The following CAPN1 variants were observed in gnomAD, a reference collection of about 807,000 sequenced individuals.
CAPN1 encodes calpain-1 catalytic subunit.
A neutral mutation model predicts 105.2 loss-of-function variants in CAPN1; 77 were observed. The ratio of observed to expected loss-of-function variants is 0.73; its 90% CI spans 0.61 to 0.88. CAPN1 has a LOEUF of 0.88. Among genes scored for constraint, CAPN1 ranks in the 40% least tolerant of loss-of-function variants. The probability of loss-of-function intolerance (pLI) is 0.00; values close to 1 mark genes in which losing one functional copy is unlikely to be tolerated. For missense variants in CAPN1, 833 were observed against 976.6 expected, an observed-to-expected ratio of 0.85 and a Z score of 1.96; for synonymous variants, 355 against 388.8, an observed-to-expected ratio of 0.91 and a Z score of 1.02.
intron 12 of CAPN1, 65 bp from the exon 13 acceptor site, chr11:65,206,398 G>T (rs1311599380): frequency 3.1e-6 from 4 of 1,293,200 alleles, no homozygotes; most frequent in Non-Finnish European, 4.5e-6. Context: ...TCTGGGTCTG[G>T]GGGTGGCCCC....
At chr11:65,204,078 C>T (rs1191008796) in intron 10 of CAPN1, among the ~76,000 whole-genome samples, 1 of 152,126 alleles carries the variant, frequency 6.6e-6, no homozygotes, top group Non-Finnish European at 1.5e-5. Flanking sequence ...CCTGTCGGAC[C>T]CCTGCTTTTT....
rs1948998914 is a variant in CAPN1, at chr11:65,208,593, T to C, written c.1729+331T>C. On this transcript the variant is annotated intron_variant, in intron 16 of 21. Coordinates refer to ENST00000279247, the MANE Select transcript of CAPN1 (RefSeq NM_005186.4). This position sits in a 1 kb window ranked among gnomAD's most constrained non-coding sequence, Gnocchi z 4.1. ...AGGAGTTCAACACCAGCCTGGACAA[T>C]ATGGAGAGACCCTGTCTCTGCAAAA... The C allele has an allele frequency of 2.4e-6, 1 of 419,512 alleles. No individual in the cohort carries two copies. Among genetic ancestry groups the C allele is most frequent in the South Asian group, 2.3e-5 (1 of 44,062 alleles). The allele number at this position is 419,512 out of a possible 1,614,324, so 26.0% of individuals were successfully genotyped here.
rs1948998795 is a variant in CAPN1, at chr11:65,208,588, G to A, written c.1729+326G>A. The A allele has an allele frequency of 4.6e-6, 2 of 437,066 alleles. No homozygotes were observed. The highest frequency in any genetic ancestry group is 4.4e-5 in the South Asian group (2 of 45,740). 27.1% of individuals were successfully genotyped at this position (437,066 alleles called of 1,614,324 possible). A position where few individuals can be genotyped will look rare whatever the true frequency, so the allele number is the denominator to read the frequency against. On this transcript the variant is annotated intron_variant, in intron 16 of 21. Coordinates refer to ENST00000279247, the MANE Select transcript of CAPN1 (RefSeq NM_005186.4). The surrounding 1 kb of genome is among the most constrained non-coding windows in gnomAD (Gnocchi z 4.1). The stretch of plus-strand genomic sequence containing the variant: ...AGCCCAGGAGTTCAACACCAGCCTG[G>A]ACAATATGGAGAGACCCTGTCTCTG...
At chr11:65,181,626 C>T (rs754061508), upstream of CAPN1, 3 of 392,764 alleles carry the variant, frequency 7.6e-6, no homozygotes, top group Admixed American at 2.9e-5. This position sits in a 1 kb window ranked among gnomAD's most constrained non-coding sequence, Gnocchi z 4.6. Flanking sequence ...CCCTGCCCGG[C>T]CCTCCCCCTC....
chr11:65,206,847 G>A (rs551196287), intron 14 of CAPN1, 28 bp downstream of exon 14: 55 of 1,600,824 alleles, frequency 3.4e-5, no homozygotes, highest in Middle Eastern at 3.3e-4. Context: ...ACCAGGCCCC[G>A]TCCTCCTCTC....
chr11:65,210,208 C>A lies in CAPN1; in HGVS notation c.1942+112C>A. 8.6e-7 allele frequency: 1 copy of A among 1,159,640 alleles called. No individual in the cohort carries two copies. The highest frequency in any genetic ancestry group is 1.3e-6 in the Non-Finnish European group (1 of 778,340). The allele number at this position is 1,159,640 out of a possible 1,614,324, so 71.8% of individuals were successfully genotyped here. On this transcript the variant is annotated intron_variant, in intron 19 of 21. Transcript: ENST00000279247. The surrounding 1 kb of genome is among the most constrained non-coding windows in gnomAD (Gnocchi z 4.3). ...CTAGTGGTGACATGGTAACAGCCAT[C>A]TTGTCCTTTTCCCCACGGTTACTAG...
intron 10 of CAPN1, 56 bp from the exon 11 acceptor site, chr11:65,204,627 G>A (rs1565415557): frequency 6.6e-7 from 1 of 1,518,770 alleles, no homozygotes; most frequent in Non-Finnish European, 9.1e-7. Context: ...AGGCTTGGGG[G>A]CCAATTGGCT....
At chr11:65,190,829 C>G (rs1948710354) in intron 10 of CAPN1, among the ~76,000 whole-genome samples, 1 of 152,054 alleles carries the variant, frequency 6.6e-6, no homozygotes, top group South Asian at 2.1e-4. Context: ...GCTTCTGCCT[C>G]AACCTCCTGA....
Position 65,188,129 on chromosome 11 carries a change from G to A in CAPN1, c.929+89G>A, listed in dbSNP as rs1948664078. The A allele has an allele frequency of 1.0e-6, 1 of 973,862 alleles. No homozygotes were observed. The highest frequency in any genetic ancestry group is 1.5e-6 in the Non-Finnish European group (1 of 653,840). The allele number at this position is 973,862 out of a possible 1,614,324, so 60.3% of individuals were successfully genotyped here. On this transcript the variant is annotated intron_variant, in intron 8 of 21. Transcript: ENST00000279247. The surrounding 1 kb of genome is among the most constrained non-coding windows in gnomAD (Gnocchi z 5.5). ...GCTCGGGACTCTACCAGGCCAGGCT[G>A]GACTCAGGATTGAGCAGAGGGGCCC...
chr11:65,211,123 T>A (rs1949042022), intron 21 of CAPN1, 137 bp from the exon 22 acceptor site: 4 of 986,030 alleles, frequency 4.1e-6, no homozygotes, highest in Non-Finnish European at 4.7e-6. Context: ...GTGGAGGAGG[T>A]AAGAAAGTAA....
chr11:65,183,106 C>G, intron 2 of CAPN1, 22 bp from the exon 3 acceptor site: 1 of 1,613,584 alleles, frequency 6.2e-7, no homozygotes. Context: ...GGCCGAGGAA[C>G]AGGACTCTGG....
chr11:65,211,198 G>T, intron 21 of CAPN1, 62 bp from the exon 22 acceptor site: 2 of 1,595,106 alleles, frequency 1.3e-6, no homozygotes, highest in East Asian at 2.2e-5. Context: ...CTGGGGTTTG[G>T]GTGGGGAAGA....
At position 65,210,498 on chromosome 11, in the gene CAPN1, G is replaced by C; in HGVS notation, c.2059+46G>C. On this transcript the variant is annotated intron_variant, in intron 20 of 21. Coordinates refer to ENST00000279247, the MANE Select transcript of CAPN1 (RefSeq NM_005186.4). The surrounding 1 kb of genome is among the most constrained non-coding windows in gnomAD (Gnocchi z 4.3). Reference sequence around the variant, plus strand: ...CCCACCCTCCAGCTCCGTCCCAAACGCGTCCCCCAGGAGCTGGGGGGAATG... The same window carrying C: ...CCCACCCTCCAGCTCCGTCCCAAACCCGTCCCCCAGGAGCTGGGGGGAATG... The C allele has an allele frequency of 8.7e-7, 1 of 1,153,472 alleles. No homozygotes were observed. The highest frequency in any genetic ancestry group is 1.3e-6 in the Non-Finnish European group (1 of 773,822). 71.5% of individuals were successfully genotyped at this position (1,153,472 alleles called of 1,614,324 possible).
chr11:65,189,425 G>A (rs751231527), intron 10 of CAPN1, among the ~76,000 whole-genome samples: 20 of 152,188 alleles, frequency 1.3e-4, no homozygotes, highest in Non-Finnish European at 1.8e-4. Flanking sequence ...ACTGCAGCAC[G>A]CTTTTTCTCT....
At chr11:65,191,295 A>C (rs1244119905) in intron 10 of CAPN1, among the ~76,000 whole-genome samples, 1 of 152,220 alleles carries the variant, frequency 6.6e-6, no homozygotes. Flanking sequence ...TATTATAAAT[A>C]GTATGTTCTT....
intron 10 of CAPN1, among the ~76,000 whole-genome samples, chr11:65,195,361 C>T (rs970797851): frequency 1.3e-5 from 2 of 152,162 alleles, no homozygotes; most frequent in East Asian, 1.9e-4. Flanking sequence ...CTCCTGACCT[C>T]GTGATCTGCC....
chr11:65,183,256 C>T (rs1948574134), intron 3 of CAPN1, 59 bp downstream of exon 3: 3 of 1,478,046 alleles, frequency 2.0e-6, no homozygotes, highest in Middle Eastern at 3.4e-4. Context: ...CCCATTCCCG[C>T]TCCTTCAGGC....
chr11:65,209,452 A>G lies in CAPN1; in HGVS notation c.1794+65A>G. 1 of 1,357,824 alleles carries G rather than the reference A, an allele frequency of 7.4e-7. No homozygotes were observed. The highest frequency in any genetic ancestry group is 1.0e-6 in the Non-Finnish European group (1 of 958,572). 84.1% of individuals were successfully genotyped at this position (1,357,824 alleles called of 1,614,324 possible). A position where few individuals can be genotyped will look rare whatever the true frequency, so the allele number is the denominator to read the frequency against. ...GGGTGGAGGTATCGGTGCTGGGAGA[A>G]CTGTCCCAGGACAGCACAGAGAACA... On this transcript the variant is annotated intron_variant, in intron 17 of 21. Transcript: ENST00000279247. This position sits in a 1 kb window ranked among gnomAD's most constrained non-coding sequence, Gnocchi z 4.1.
intron 10 of CAPN1, among the ~76,000 whole-genome samples, chr11:65,203,132 T>C (rs1009302121): frequency 1.3e-5 from 2 of 152,260 alleles, no homozygotes; most frequent in Non-Finnish European, 2.9e-5. Flanking sequence ...CACTCTTCAG[T>C]TGATGGATAA....
Sources: allele counts gnomAD v4.1 joint callset (sites outside exome capture counted in the v4.1 genomes callset), GRCh38; gene constraint gnomAD v4.1.1; non-coding constraint Gnocchi (gnomAD v3.1); transcripts MANE v1.5; gene names NCBI Gene and HGNC (gene_info 2026-07-23, HGNC 2026-07-21).